The following SYNPO variants were observed in gnomAD, a reference collection of about 807,000 sequenced individuals.
SYNPO encodes synaptopodin.
A neutral mutation model predicts 49.5 loss-of-function variants in SYNPO; 19 were observed. That is an observed-to-expected ratio of 0.38 (90% CI 0.27 to 0.56). The LOEUF is 0.56. Ranked by LOEUF, SYNPO falls within the 20% of genes least tolerant of loss-of-function variation. The pLI is 0.68. For synonymous variants in SYNPO, 536 were observed against 548.0 expected (o/e 0.98, Z 0.31); for missense variants, 1,131 against 1,248.3 (o/e 0.91, Z 1.42).
chr5:150,619,614 G>T (rs1468315332), intron 2 of SYNPO, among the ~76,000 whole-genome samples: 2 of 152,198 alleles, frequency 1.3e-5, no homozygotes, highest in African/African-American at 4.8e-5. Context: ...GTCCAGATGG[G>T]GAGGACGTGA....
At chr5:150,646,558 C>CA (rs371336232) in intron 1 of SYNPO, among the ~76,000 whole-genome samples, 4,045 of 149,558 alleles carry the variant, frequency 0.027, 73 homozygotes, top group South Asian at 0.039. Context: ...CCTGTCTCTA[C>CA]AAAAAAAAAT....
chr5:150,608,878 G>A (rs1003956725), intron 1 of SYNPO, among the ~76,000 whole-genome samples: 3 of 152,162 alleles, frequency 2.0e-5, no homozygotes, highest in Admixed American at 6.5e-5. Flanking sequence ...CACCAGCTCC[G>A]GTAGCCCTCA....
At chr5:150,643,692 G>A (rs1405683287) in intron 1 of SYNPO, among the ~76,000 whole-genome samples, 2 of 152,070 alleles carry the variant, frequency 1.3e-5, no homozygotes, top group Non-Finnish European at 1.5e-5. Context: ...CCGCCACCAC[G>A]CTTGGCTAAT....
the SYNPO span, among the ~76,000 whole-genome samples, chr5:150,588,580 C>T: frequency 6.6e-6 from 1 of 151,900 alleles, no homozygotes; most frequent in East Asian, 1.9e-4. Context: ...TTGTGGGAGT[C>T]AGAGAGAAGG....
At chr5:150,651,556 G>C (rs1206551415) in intron 2 of SYNPO, 2 of 1,002,088 alleles carry the variant, frequency 2.0e-6, no homozygotes, top group Non-Finnish European at 2.4e-6. Flanking sequence ...GGAAGGGTTG[G>C]AATGAGCTGC....
Position 150,648,125 on chromosome 5 carries a change from G to A in SYNPO, c.-151G>A. 6.4e-7 allele frequency: 1 copy of A among 1,552,200 alleles called. No homozygotes were observed. Among genetic ancestry groups the A allele is most frequent in the Non-Finnish European group, 8.7e-7 (1 of 1,147,178 alleles). ...TGGAGAGCCACGGCCAGAGGGGACA[G>A]AAGCCCAGCCAGGAGTCCCTCAGAG... On this transcript the variant is annotated 5_prime_UTR_variant, in exon 2 of 3. Coordinates refer to ENST00000307662, the MANE Select transcript of SYNPO (RefSeq NM_007286.6). The surrounding 1 kb of genome is among the most constrained non-coding windows in gnomAD (Gnocchi z 5.0).
chr5:150,593,826 T>C, the SYNPO span, among the ~76,000 whole-genome samples: 116 of 152,226 alleles, frequency 7.6e-4, no homozygotes, highest in African/African-American at 2.6e-3. Context: ...GCTGGAACTG[T>C]GATAAGAATT....
chr5:150,640,010 T>C (rs1295726416), upstream of SYNPO: 1 of 489,688 alleles, frequency 2.0e-6, no homozygotes, highest in East Asian at 1.5e-4. Flanking sequence ...CTGTGTGACC[T>C]TGAGCAAGTT....
At position 150,650,022 on chromosome 5, in the gene SYNPO, G is replaced by T; in HGVS notation, c.1747G>T (p.Val583Phe). 1 of 1,612,472 alleles carries T rather than the reference G, an allele frequency of 6.2e-7. No individual in the cohort carries two copies. The change falls in exon 2 of 3, where the codon GTC becomes TTC. Residue 583 changes from valine (V) to phenylalanine (F), a missense_variant. By Grantham distance (50) the Val-to-Phe change is conservative. This residue lies in a region of SYNPO where 509 missense variants were observed against 484.5 expected (regional missense o/e 1.05). Coordinates refer to ENST00000307662, the MANE Select transcript of SYNPO (RefSeq NM_007286.6). Reference protein sequence around the residue: ...VLSPIKEPAKVSPRAASPAKP... With the variant: ...VLSPIKEPAKFSPRAASPAKP... ...CTCACCTATCAAGGAGCCTGCCAAGGTCTCACCAAGAGCTGCCTCGCCCGC... is the reference window on the plus strand; with the variant it reads ...CTCACCTATCAAGGAGCCTGCCAAGTTCTCACCAAGAGCTGCCTCGCCCGC...
chr5:150,633,173 C>G (rs552152291), intron 2 of SYNPO, among the ~76,000 whole-genome samples: 2 of 152,306 alleles, frequency 1.3e-5, no homozygotes, highest in Non-Finnish European at 2.9e-5. Context: ...CTTCCAGGAG[C>G]TCACACTTTA....
intron 2 of SYNPO, among the ~76,000 whole-genome samples, chr5:150,623,316 A>C (rs548327587): frequency 6.6e-6 from 1 of 152,138 alleles, no homozygotes; most frequent in Admixed American, 6.5e-5. Context: ...AGACCGAATC[A>C]CTTTCTCTCC....
chr5:150,611,768 G>T (rs1756854867), intron 1 of SYNPO, among the ~76,000 whole-genome samples: 1 of 152,206 alleles, frequency 6.6e-6, no homozygotes, highest in African/African-American at 2.4e-5. Context: ...GTGGGATCAT[G>T]GTGGACATCC....
At chr5:150,604,763 G>A (rs1017178386) in intron 1 of SYNPO, among the ~76,000 whole-genome samples, 1 of 152,194 alleles carries the variant, frequency 6.6e-6, no homozygotes, top group African/African-American at 2.4e-5. Context: ...CACACACTGC[G>A]GCTGGCACTG....
the SYNPO span, among the ~76,000 whole-genome samples, chr5:150,595,812 C>A: frequency 6.7e-6 from 1 of 150,124 alleles, no homozygotes; most frequent in Middle Eastern, 3.4e-3. Flanking sequence ...CCCACTCCCC[C>A]CTCATTTCCT....
At chr5:150,600,704 G>C (rs1348124254), upstream of SYNPO, among the ~76,000 whole-genome samples, 1 of 152,104 alleles carries the variant, frequency 6.6e-6, no homozygotes, top group Non-Finnish European at 1.5e-5. Flanking sequence ...GAAGTGCTGT[G>C]GGATAAAGGG....
chr5:150,639,010 G>A (rs563856038), upstream of SYNPO, among the ~76,000 whole-genome samples: 33 of 152,318 alleles, frequency 2.2e-4, no homozygotes, highest in African/African-American at 7.9e-4. Context: ...TCAGTTTGCT[G>A]TATACCTGGG....
intron 1 of SYNPO, among the ~76,000 whole-genome samples, chr5:150,647,063 T>G (rs985451763): frequency 6.6e-6 from 1 of 151,854 alleles, no homozygotes; most frequent in African/African-American, 2.4e-5. Context: ...GCCTACATGG[T>G]GAAACCCCAT....
chr5:150,602,997 G>GGGGGGTGTGT (rs1554106602), intron 1 of SYNPO, among the ~76,000 whole-genome samples: 7 of 131,182 alleles, frequency 5.3e-5, no homozygotes, highest in African/African-American at 2.1e-4. Flanking sequence ...GCCACCTTAG[G>GGGGGGTGTGT]GTGTGTGTGT....
Position 150,656,476 on chromosome 5 carries a change from G to C in SYNPO, c.2101G>C (p.Gly701Arg). 6.5e-7 allele frequency: 1 copy of C among 1,532,456 alleles called. No homozygotes were observed. Among genetic ancestry groups the C allele is most frequent in the Non-Finnish European group, 8.7e-7 (1 of 1,145,504 alleles). The allele number at this position is 1,532,456 out of a possible 1,614,324, so 94.9% of individuals were successfully genotyped here. ...GTCCCGGCCCCCCAGCAGCCTAGAC[G>C]GCTGGGTGAGCCCGGGCCCGTGGGA... ...GASRPPSSLD[G>R]WVSPGPWEPG... Residue 701 changes from glycine (G) to arginine (R), a missense_variant, in exon 3 of 3, where the codon GGC becomes CGC. Physicochemically the swap from Gly to Arg is moderately radical, Grantham distance 125. Transcript: ENST00000307662.
Sources: allele counts gnomAD v4.1 joint callset (sites outside exome capture counted in the v4.1 genomes callset), GRCh38; gene constraint gnomAD v4.1.1; regional missense constraint gnomAD v4.1.1; non-coding constraint Gnocchi (gnomAD v3.1); transcripts MANE v1.5; gene names NCBI Gene and HGNC (gene_info 2026-07-23, HGNC 2026-07-21).